The following RNPC3 variants were observed in gnomAD, a reference collection of about 807,000 sequenced individuals.
RNPC3 encodes the protein RNA binding region (RNP1, RRM) containing 3.
Under a neutral mutation model 67.5 loss-of-function variants are expected in RNPC3, and 48 were observed. The ratio of observed to expected loss-of-function variants is 0.71; its 90% CI spans 0.56 to 0.90. The LOEUF (loss-of-function observed/expected upper bound fraction) is 0.90. RNPC3 is among the 40% of genes least tolerant of loss of function. RNPC3 has a pLI of 0.00. For synonymous variants in RNPC3, 239 were observed against 210.3 expected, an observed-to-expected ratio of 1.14 and a Z score of -1.18; for missense variants, 637 against 626.1, an observed-to-expected ratio of 1.02 and a Z score of -0.19.
At chr1:103,528,517 G>T (rs1284301597) in intron 2 of RNPC3, among the ~76,000 whole-genome samples, 3 of 152,098 alleles carry the variant, frequency 2.0e-5, no homozygotes, top group African/African-American at 7.2e-5. Flanking sequence ...TATAATATAG[G>T]GGTTGAGAGA....
At position 103,529,016 on chromosome 1, in the gene RNPC3, G is replaced by T. The variant is rs1017121874; in HGVS notation, c.240+1274G>T. On this transcript the variant is annotated intron_variant, in intron 2 of 14. Transcript: ENST00000423855. ...TACTGGACTGCAACTGTCTGAGAAT[G>T]ATGTCAAATGGTATGTGTTAATATG... 2.0e-5 allele frequency among the ~76,000 whole-genome samples: 3 copies of T among 152,154 alleles called. No individual in the cohort carries two copies. The East Asian group carries it at 5.8e-4, about 29-fold the overall frequency.
chr1:103,550,758 C>T (rs577005613), intron 12 of RNPC3, among the ~76,000 whole-genome samples, 183 bp from the exon 13 acceptor site: 3 of 152,014 alleles, frequency 2.0e-5, no homozygotes, highest in African/African-American at 7.2e-5. Flanking sequence ...CAAATACTAC[C>T]TACTTGTAGA....
At chr1:103,550,589 G>A (rs374533518) in intron 12 of RNPC3, among the ~76,000 whole-genome samples, 11 of 148,512 alleles carry the variant, frequency 7.4e-5, no homozygotes, top group East Asian at 2.0e-4. Context: ...TGCAGTGAGC[G>A]GAGATCATGC....
chr1:103,527,571 T>G, intron 1 of RNPC3, 124 bp from the exon 2 acceptor site: 5 of 738,608 alleles, frequency 6.8e-6, no homozygotes, highest in Non-Finnish European at 9.3e-6. Context: ...TAAATGGTCT[T>G]GAGTTTTCAT....
At chr1:103,542,720 A>G (rs1224300027) in intron 8 of RNPC3, among the ~76,000 whole-genome samples, 1 of 151,816 alleles carries the variant, frequency 6.6e-6, no homozygotes, top group East Asian at 1.9e-4. Context: ...CTTTATAGTG[A>G]CACTGAACAG....
intron 2 of RNPC3, among the ~76,000 whole-genome samples, chr1:103,532,137 G>T (rs1650874048): frequency 6.6e-6 from 1 of 152,100 alleles, no homozygotes; most frequent in Non-Finnish European, 1.5e-5. Context: ...TCAGTTTCCT[G>T]TAAGTATTTG....
chr1:103,526,322 G>A, intron 1 of RNPC3, 60 bp downstream of exon 1: 2 of 1,415,012 alleles, frequency 1.4e-6, no homozygotes, highest in Non-Finnish European at 1.9e-6. Context: ...CCGGGGAGGG[G>A]GAGCGCTGAC....
At chr1:103,548,224 T>C (rs1488147299) in intron 12 of RNPC3, among the ~76,000 whole-genome samples, 4 of 152,350 alleles carry the variant, frequency 2.6e-5, no homozygotes, top group Non-Finnish European at 4.4e-5. Flanking sequence ...CATCATTACT[T>C]ATGCAGATTT....
intron 10 of RNPC3, 130 bp downstream of exon 10, chr1:103,545,232 G>T: frequency 3.0e-6 from 2 of 677,306 alleles, no homozygotes; most frequent in East Asian, 3.2e-5. Context: ...TCCAATTAAT[G>T]TTTGTAATCA....
rs1356985650 is a variant in RNPC3 at position 103,555,175 on chromosome 1, A to G, written c.*154A>G. 1 of 152,114 alleles carries G rather than the reference A, an allele frequency of 6.6e-6. No individual in the cohort carries two copies. The highest frequency in any genetic ancestry group is 1.9e-4 in the East Asian group (1 of 5,206). The allele number at this position is 152,114 out of a possible 1,614,324, so 9.4% of individuals were successfully genotyped here. On this transcript the variant is annotated 3_prime_UTR_variant, in exon 15 of 15. Transcript: ENST00000423855. ...ATATGCCTTTAAATCAGTGAATTGG[A>G]AACATATTACATGTATTTTAATGAT...
intron 12 of RNPC3, among the ~76,000 whole-genome samples, chr1:103,548,723 G>A (rs1476071653): frequency 6.6e-6 from 1 of 152,024 alleles, no homozygotes; most frequent in Admixed American, 6.6e-5. Flanking sequence ...CACATTTTTG[G>A]GTATCTTTTC....
In RNPC3 at chr1:103,537,424, A is replaced by G; in HGVS notation, c.707A>G (p.Asp236Gly). ...PPEEPPLPDE[D>G]EELSSEESEY... ...GAGGAACCTCCTTTGCCAGACGAGG[A>G]TGAGGAATTATCTAGTGAAGAATCA... Residue 236 changes from aspartate (D) to glycine (G), a missense_variant, in exon 7 of 15, where the codon GAT becomes GGT. Physicochemically the swap from Asp to Gly is moderately conservative, Grantham distance 94 (BLOSUM62 -1). Around this residue, in one of 3 missense-constraint regions of RNPC3, gnomAD observed 536 missense variants for 500.3 expected, o/e 1.07. Coordinates refer to ENST00000423855, the MANE Select transcript of RNPC3 (RefSeq NM_017619.4). 1 of 1,536,594 alleles carries G rather than the reference A, an allele frequency of 6.5e-7. No homozygotes were observed. Among genetic ancestry groups the G allele is most frequent in the South Asian group, 1.2e-5 (1 of 84,042 alleles).
intron 7 of RNPC3, among the ~76,000 whole-genome samples, chr1:103,539,250 A>G (rs1324305121): frequency 6.6e-6 from 1 of 152,206 alleles, no homozygotes; most frequent in African/African-American, 2.4e-5. Flanking sequence ...GCAGAACCCA[A>G]GCAGACTCTG....
In RNPC3 at chr1:103,549,928, C is replaced by T. The variant is rs185172882; in HGVS notation, c.1362-1013C>T. Among the ~76,000 whole-genome samples the T allele has an allele frequency of 6.0e-5, 9 of 151,226 alleles. No individual in the cohort carries two copies. In the South Asian group the frequency reaches 6.2e-4, roughly 10 times the overall value. ...CTGTAATCCTAGCACATTGGGAGGC[C>T]GAAGCGGGGGGGATCACTTGAGGTC... On this transcript the variant is annotated intron_variant, in intron 12 of 14. Coordinates refer to ENST00000423855, the MANE Select transcript of RNPC3 (RefSeq NM_017619.4).
intron 3 of RNPC3, 121 bp from the exon 4 acceptor site, chr1:103,534,653 T>G (rs1192026460): frequency 1.6e-6 from 1 of 627,442 alleles, no homozygotes; most frequent in Non-Finnish European, 2.7e-6. Flanking sequence ...TTGAAAGTTT[T>G]TTTTTTTTTT....
chr1:103,535,471 A>T (rs1330379823), intron 5 of RNPC3, 30 bp downstream of exon 5: 1 of 1,357,582 alleles, frequency 7.4e-7, no homozygotes, highest in Non-Finnish European at 1.0e-6. Flanking sequence ...TCCTAAAAGG[A>T]CTTGTTGTAT....
chr1:103,541,840 G>C (rs147100592), intron 8 of RNPC3, among the ~76,000 whole-genome samples: 4,954 of 151,928 alleles, frequency 0.033, 276 homozygotes, highest in African/African-American at 0.11. Flanking sequence ...TAATATATTA[G>C]TGAATAATGT....
Position 103,527,497 on chromosome 1 carries a change from A to G in RNPC3, c.193-198A>G, listed in dbSNP as rs190019719. ...TGTCTTTATATGATAGAGGTTGCAT[A>G]GCTTTCATCTCAAGTCTGACTCAAA... On this transcript the variant is annotated intron_variant, in intron 1 of 14. Transcript: ENST00000423855. Among the ~76,000 whole-genome samples the G allele has an allele frequency of 3.7e-3, 560 of 152,336 alleles. 2 individuals carry two copies. The highest frequency in any genetic ancestry group is 0.012 in the African/African-American group (518 of 41,584).
chr1:103,539,707 A>G (rs1651074883), intron 7 of RNPC3, among the ~76,000 whole-genome samples: 1 of 152,168 alleles, frequency 6.6e-6, no homozygotes, highest in African/African-American at 2.4e-5. Flanking sequence ...TTTTATCTTC[A>G]GGAAATGTAA....
Sources: gnomAD v4.1 joint callset for allele counts (sites outside exome capture counted in the v4.1 genomes callset) on GRCh38, gnomAD v4.1.1 for gene constraint, gnomAD v4.1.1 regional missense constraint, MANE v1.5 for transcripts, NCBI Gene and HGNC (gene_info 2026-07-23, HGNC 2026-07-21) for gene names.